RSRC1: variants seen among roughly 807,000 people sequenced by gnomAD.
RSRC1 encodes arginine and serine rich coiled-coil 1, also known as serine/Arginine-related protein 53.
A neutral mutation model predicts 49.1 loss-of-function variants in RSRC1; 39 were observed. That is an observed-to-expected ratio of 0.79 (90% CI 0.61 to 1.04). The LOEUF (loss-of-function observed/expected upper bound fraction) is 1.04. Ranked by LOEUF, RSRC1 falls within the 50% of genes least tolerant of loss-of-function variation. RSRC1 has a pLI of 0.00. For missense variants in RSRC1, 388 were observed against 402.4 expected (o/e 0.96, Z 0.31); for synonymous variants, 143 against 130.8 (o/e 1.09, Z -0.63).
In RSRC1 at chr3:158,128,840, G is replaced by A. The variant is rs181816348; in HGVS notation, c.320+4849G>A. Among the ~76,000 whole-genome samples the A allele has an allele frequency of 4.2e-3, 643 of 152,222 alleles. 4 individuals carry two copies. Among genetic ancestry groups the A allele is most frequent in the African/African-American group, 0.015 (605 of 41,550 alleles). ...GACTTTGGCACTTTTGAGGAATAATGGTGTTTATTTTGTAGATTGCCCCTC... is the reference window on the plus strand; with the variant it reads ...GACTTTGGCACTTTTGAGGAATAATAGTGTTTATTTTGTAGATTGCCCCTC... On this transcript the variant is annotated intron_variant, in intron 3 of 9. Coordinates refer to ENST00000611884, the MANE Select transcript of RSRC1 (RefSeq NM_001271838.2).
intron 3 of RSRC1, among the ~76,000 whole-genome samples, chr3:158,201,914 T>C (rs969409494): frequency 2.4e-4 from 37 of 152,362 alleles, no homozygotes; most frequent in African/African-American, 8.4e-4. Flanking sequence ...ACAAAGTGAA[T>C]ATCATATTAT....
At chr3:158,241,183 C>T (rs1000479901) in intron 4 of RSRC1, among the ~76,000 whole-genome samples, 10 of 152,066 alleles carry the variant, frequency 6.6e-5, no homozygotes, top group Non-Finnish European at 1.5e-4. Flanking sequence ...CACGGTGGCT[C>T]ACGCCGGTAA....
chr3:158,231,523 A>G (rs1722956154), intron 4 of RSRC1, among the ~76,000 whole-genome samples: 1 of 152,154 alleles, frequency 6.6e-6, no homozygotes, highest in Non-Finnish European at 1.5e-5. Context: ...ATTTGAAGTT[A>G]GCATTTTCTA....
chr3:158,195,457 A>G (rs1377272627), intron 3 of RSRC1, among the ~76,000 whole-genome samples: 1 of 150,650 alleles, frequency 6.6e-6, no homozygotes. Flanking sequence ...TTGCCTGTTC[A>G]CTCTGATGGT....
Position 158,351,033 on chromosome 3 carries a change from G to A in RSRC1, c.532-3824G>A, listed in dbSNP as rs562809088. On this transcript the variant is annotated intron_variant, in intron 5 of 9. Transcript: ENST00000611884. ...CCTTTCTTTAAAAAAAATAACTATA[G>A]ATAGCAGTCACAATGAAGGCAACAT... is the stretch of plus-strand genomic sequence containing the variant. Among the ~76,000 whole-genome samples the A allele has an allele frequency of 1.1e-3, 172 of 152,082 alleles. 1 individual carries two copies. Among genetic ancestry groups the A allele is most frequent in the Middle Eastern group, 6.8e-3 (2 of 294 alleles).
intron 7 of RSRC1, among the ~76,000 whole-genome samples, chr3:158,494,599 C>T (rs977097268): frequency 3.3e-5 from 5 of 152,104 alleles, no homozygotes; most frequent in Middle Eastern, 3.2e-3. Flanking sequence ...CTTTTTAGCT[C>T]TTCTGCAATA....
At chr3:158,195,978 C>T (rs1306407624) in intron 3 of RSRC1, among the ~76,000 whole-genome samples, 1 of 151,896 alleles carries the variant, frequency 6.6e-6, no homozygotes. Context: ...CTTGGCGATG[C>T]GGGCTCTTTT....
chr3:158,191,477 T>G (rs1328866839), intron 3 of RSRC1, among the ~76,000 whole-genome samples: 1 of 152,108 alleles, frequency 6.6e-6, no homozygotes, highest in African/African-American at 2.4e-5. Flanking sequence ...ATTAGCCAAT[T>G]AAGAAACTTG....
At chr3:158,395,452 A>G (rs1348087831) in intron 6 of RSRC1, among the ~76,000 whole-genome samples, 1 of 152,168 alleles carries the variant, frequency 6.6e-6, no homozygotes, top group African/African-American at 2.4e-5. Context: ...GTCAATATCC[A>G]GAATCTATAA....
At chr3:158,367,968 T>G (rs1236025769) in intron 6 of RSRC1, among the ~76,000 whole-genome samples, 2 of 152,160 alleles carry the variant, frequency 1.3e-5, no homozygotes, top group African/African-American at 4.8e-5. Flanking sequence ...TTAAAAAGTG[T>G]AAGTTGTTTG....
At chr3:158,377,659 T>A (rs1233083131) in intron 6 of RSRC1, among the ~76,000 whole-genome samples, 1 of 142,188 alleles carries the variant, frequency 7.0e-6, no homozygotes, top group Non-Finnish European at 1.5e-5. Flanking sequence ...CCGATATTCC[T>A]TTTTTTTTTT....
At chr3:158,518,087 AGTGCGTGCGT>A (rs1576602711) in intron 7 of RSRC1, among the ~76,000 whole-genome samples, 3 of 106,836 alleles carry the variant, frequency 2.8e-5, no homozygotes, top group African/African-American at 3.9e-5. Flanking sequence ...TATGTACGTA[AGTGCGTGCGT>A]GTGTGTGTGT....
intron 4 of RSRC1, among the ~76,000 whole-genome samples, chr3:158,251,911 C>T (rs1724229190): frequency 6.6e-6 from 1 of 152,148 alleles, no homozygotes; most frequent in South Asian, 2.1e-4. Context: ...AGAGGAAAGG[C>T]TTTCAGTTTG....
At chr3:158,431,356 C>T (rs912533685) in intron 6 of RSRC1, among the ~76,000 whole-genome samples, 1 of 151,830 alleles carries the variant, frequency 6.6e-6, no homozygotes, top group Non-Finnish European at 1.5e-5. Flanking sequence ...AAAGGCAGCA[C>T]ACTCAAAGAA....
chr3:158,314,177 G>C (rs1055234226), intron 5 of RSRC1, among the ~76,000 whole-genome samples: 1 of 152,056 alleles, frequency 6.6e-6, no homozygotes, highest in Non-Finnish European at 1.5e-5. Flanking sequence ...CGCAATCTCT[G>C]CCTCCCTGAT....
At chr3:158,158,901 T>C (rs1368043345) in intron 3 of RSRC1, among the ~76,000 whole-genome samples, 4 of 147,100 alleles carry the variant, frequency 2.7e-5, no homozygotes, top group Admixed American at 2.1e-4. Context: ...ATCGTACCAC[T>C]GCACTCCAGC....
At position 158,513,704 on chromosome 3, in the gene RSRC1, G is replaced by A. The variant is rs146523482; in HGVS notation, c.653-23388G>A. Among the ~76,000 whole-genome samples the A allele has an allele frequency of 1.2e-4, 18 of 152,180 alleles. No individual in the cohort carries two copies. The East Asian group carries it at 1.7e-3, about 15-fold the overall frequency. ...TCAGAAGGAATGGTACCTGTTCCTC[G>A]TTGTACCTCTGGTAGAATTCATCTG... On this transcript the variant is annotated intron_variant, in intron 7 of 9. Coordinates refer to ENST00000611884, the MANE Select transcript of RSRC1 (RefSeq NM_001271838.2).
intron 7 of RSRC1, among the ~76,000 whole-genome samples, chr3:158,514,030 G>T (rs998950100): frequency 6.6e-6 from 1 of 152,026 alleles, no homozygotes; most frequent in Non-Finnish European, 1.5e-5. Context: ...AGTCTTGCTA[G>T]CGGTCTATCA....
chr3:158,491,265 A>T (rs1739072361), intron 7 of RSRC1, among the ~76,000 whole-genome samples: 1 of 152,228 alleles, frequency 6.6e-6, no homozygotes, highest in Non-Finnish European at 1.5e-5. Context: ...CCCATTTAAG[A>T]TTTTTAATTT....
Sources: allele counts gnomAD v4.1 joint callset (sites outside exome capture counted in the v4.1 genomes callset), GRCh38; gene constraint gnomAD v4.1.1; transcripts MANE v1.5; gene names NCBI Gene and HGNC (gene_info 2026-07-23, HGNC 2026-07-21).